The following GMEB2 variants were observed in gnomAD, a reference collection of about 807,000 sequenced individuals.
GMEB2 encodes glucocorticoid modulatory element-binding protein 2.
In GMEB2, 7 loss-of-function variants were observed where a neutral mutation model predicts 45.7. That is an observed-to-expected ratio of 0.15 (90% CI 0.09 to 0.29). The LOEUF (loss-of-function observed/expected upper bound fraction) is 0.29. Ranked by LOEUF, GMEB2 falls within the 10% of genes least tolerant of loss-of-function variation. The pLI, the probability that GMEB2 is intolerant of heterozygous loss-of-function variation, is 1.00. For missense variants in GMEB2, 582 were observed against 739.2 expected (o/e 0.79, Z 2.47); for synonymous variants, 322 against 323.6 (o/e 1.00, Z 0.05).
intron 1 of GMEB2, among the ~76,000 whole-genome samples, chr20:63,620,081 G>A (rs930621660): frequency 1.3e-5 from 2 of 152,164 alleles, no homozygotes; most frequent in East Asian, 1.9e-4. Flanking sequence ...TCCAATTGCT[G>A]GGATTACAGG....
At chr20:63,615,765 G>C (rs1157969393) in intron 2 of GMEB2, among the ~76,000 whole-genome samples, 2 of 152,246 alleles carry the variant, frequency 1.3e-5, no homozygotes, top group Admixed American at 6.5e-5. Flanking sequence ...GGGAACGCGA[G>C]GGGCACGTGC....
At chr20:63,606,817 A>G (rs550746684) in intron 2 of GMEB2, among the ~76,000 whole-genome samples, 1 of 152,336 alleles carries the variant, frequency 6.6e-6, no homozygotes, top group East Asian at 1.9e-4. Context: ...GGGGCTCTGG[A>G]GAAACCCTGG....
chr20:63,604,700 C>A, intron 3 of GMEB2, 43 bp downstream of exon 3: 1 of 1,048,384 alleles, frequency 9.5e-7, no homozygotes, highest in Non-Finnish European at 1.5e-6. Flanking sequence ...CCTGTCCCTG[C>A]TGCGGCAAGA....
Position 63,590,620 on chromosome 20 carries a change from C to T in GMEB2, c.1062G>A (p.Pro354=), listed in dbSNP as rs199823681. 1.2e-5 allele frequency: 19 copies of T among 1,591,692 alleles called. No homozygotes were observed. The highest frequency in any genetic ancestry group is 7.0e-5 in the Admixed American group (4 of 56,952). Residue 354 remains proline (P), a synonymous_variant, in exon 10 of 10, where the codon CCG becomes CCA. Transcript: ENST00000370077. ...LMTLTPVSLP[P]PVKRPRLARA... The stretch of plus-strand genomic sequence containing the variant: ...GTGCAAGCCGGGGCCGCTTCACAGG[C>T]GGTGGCAGGGAGACCGGCGTCAGCG...
At chr20:63,610,377 CG>C (rs2089560006) in intron 2 of GMEB2, among the ~76,000 whole-genome samples, 1 of 152,032 alleles carries the variant, frequency 6.6e-6, no homozygotes, top group Non-Finnish European at 1.5e-5. Context: ...AAAAATTAGC[CG>C]GGCGTGGTGG....
At chr20:63,597,893 G>A (rs769079565) in intron 4 of GMEB2, 33 bp from the exon 5 acceptor site, 4 of 1,256,296 alleles carry the variant, frequency 3.2e-6, no homozygotes, top group Non-Finnish European at 4.7e-6. Context: ...GGTCAAGCTT[G>A]GCCGGGACAC....
chr20:63,598,041 T>C (rs2083212807), intron 4 of GMEB2, among the ~76,000 whole-genome samples, 181 bp from the exon 5 acceptor site: 2 of 152,114 alleles, frequency 1.3e-5, no homozygotes, highest in Admixed American at 6.5e-5. Flanking sequence ...ACAGGCACGG[T>C]GGCTGCAGTG....
At chr20:63,597,161 CTTG>C (rs2083206170) in intron 5 of GMEB2, among the ~76,000 whole-genome samples, 1 of 103,260 alleles carries the variant, frequency 9.7e-6, no homozygotes. Context: ...CCTTTTTATT[CTTG>C]TTTTTTTTTT....
chr20:63,620,754 T>C (rs2089638554), intron 1 of GMEB2, among the ~76,000 whole-genome samples: 1 of 151,118 alleles, frequency 6.6e-6, no homozygotes, highest in South Asian at 2.1e-4. Flanking sequence ...TTTCTTGCTA[T>C]GAAAAAAAAA....
At chr20:63,602,892 C>G in intron 4 of GMEB2, 73 bp downstream of exon 4, 2 of 1,430,570 alleles carry the variant, frequency 1.4e-6, no homozygotes, top group Non-Finnish European at 1.9e-6. Context: ...GCACTCAGCA[C>G]AGCTGCACCC....
At chr20:63,614,215 A>G (rs2089591533) in intron 2 of GMEB2, among the ~76,000 whole-genome samples, 1 of 152,214 alleles carries the variant, frequency 6.6e-6, no homozygotes, top group Non-Finnish European at 1.5e-5. Context: ...ATTAGTTTGT[A>G]GCAATTACTC....
At chr20:63,608,992 C>T (rs201847748) in intron 2 of GMEB2, among the ~76,000 whole-genome samples, 1 of 35,768 alleles carries the variant, frequency 2.8e-5, no homozygotes, top group Non-Finnish European at 8.9e-5. Context: ...TAGAAACATG[C>T]CCCTCTGACC....
At chr20:63,599,703 C>T (rs1435074089) in intron 4 of GMEB2, among the ~76,000 whole-genome samples, 1 of 152,228 alleles carries the variant, frequency 6.6e-6, no homozygotes, top group Non-Finnish European at 1.5e-5. Flanking sequence ...TGGTACATTT[C>T]TTTCGTGTTT....
At chr20:63,611,966 C>T (rs571314245) in intron 2 of GMEB2, among the ~76,000 whole-genome samples, 3 of 151,850 alleles carry the variant, frequency 2.0e-5, no homozygotes, top group East Asian at 3.9e-4. Flanking sequence ...TGAGGCAGGA[C>T]GATTCCTTGA....
intron 2 of GMEB2, among the ~76,000 whole-genome samples, chr20:63,615,786 G>A (rs182272595): frequency 5.3e-5 from 8 of 152,338 alleles, no homozygotes; most frequent in Non-Finnish European, 1.0e-4. Flanking sequence ...AGGGCTCCAC[G>A]GTGTGGCGAC....
At chr20:63,601,593 T>C (rs986862079) in intron 4 of GMEB2, among the ~76,000 whole-genome samples, 6 of 152,214 alleles carry the variant, frequency 3.9e-5, no homozygotes, top group African/African-American at 1.4e-4. Context: ...AGGCTGCTCT[T>C]GAACTCCTGG....
chr20:63,609,828 C>A (rs368097279), intron 2 of GMEB2, among the ~76,000 whole-genome samples: 37 of 85,352 alleles, frequency 4.3e-4, no homozygotes, highest in African/African-American at 1.2e-3. Flanking sequence ...TGACCCACAC[C>A]TCCATTTCTA....
Position 63,619,345 on chromosome 20 carries a change from G to A in GMEB2, c.53C>T (p.Thr18Ile). Reference protein sequence around the residue: ...VHMEEVVVVTTPDTAVDGSGV... With the variant: ...VHMEEVVVVTIPDTAVDGSGV... ...ACTGCCGTCCACTGCAGTGTCCGGAGTTGTCACAACCACCACCTCCTCCAT... is the reference window on the plus strand; with the variant it reads ...ACTGCCGTCCACTGCAGTGTCCGGAATTGTCACAACCACCACCTCCTCCAT... The change falls in exon 2 of 10, where the codon ACT becomes ATT. Residue 18 changes from threonine to isoleucine, a missense_variant. By Grantham distance (89) the Thr-to-Ile change is moderately conservative (BLOSUM62 -1). This residue lies in a region of GMEB2 where 114 missense variants were observed against 123.4 expected (regional missense o/e 0.92). Coordinates refer to ENST00000370077, the MANE Select transcript of GMEB2 (RefSeq NM_012384.5). This position sits in a 1 kb window ranked among gnomAD's most constrained non-coding sequence, Gnocchi z 4.6. The A allele has an allele frequency of 6.2e-7, 1 of 1,613,016 alleles. No homozygotes were observed.
intron 2 of GMEB2, among the ~76,000 whole-genome samples, chr20:63,617,894 C>T (rs2089620793): frequency 6.6e-6 from 1 of 152,212 alleles, no homozygotes; most frequent in Admixed American, 6.5e-5. Context: ...CAGCCTCTCC[C>T]CAGGTCAGAA....
Sources: allele counts gnomAD v4.1 joint callset (sites outside exome capture counted in the v4.1 genomes callset), GRCh38; gene constraint gnomAD v4.1.1; regional missense constraint gnomAD v4.1.1; non-coding constraint Gnocchi (gnomAD v3.1); transcripts MANE v1.5; gene names NCBI Gene and HGNC (gene_info 2026-07-23, HGNC 2026-07-21).